The following SYNE2 variants were observed in gnomAD, a reference collection of about 807,000 sequenced individuals.
SYNE2 encodes the protein nesprin-2.
In SYNE2, 431 loss-of-function variants were observed where a neutral mutation model predicts 856.3. The ratio of observed to expected loss-of-function variants is 0.50; its 90% CI spans 0.47 to 0.55. The LOEUF (loss-of-function observed/expected upper bound fraction) is 0.55, where lower values mean the gene tolerates loss of function less well. Among genes scored for constraint, SYNE2 ranks in the 20% least tolerant of loss-of-function variants. The probability of loss-of-function intolerance (pLI) is 0.00; values close to 1 mark genes in which losing one functional copy is unlikely to be tolerated. For missense variants in SYNE2, 8,129 were observed against 8,023.2 expected (o/e 1.01, Z -0.50); for synonymous variants, 2,923 against 2,872.3 (o/e 1.02, Z -0.56).
chr14:64,190,625 A>G (rs1481119713), intron 99 of SYNE2: 1 of 702,144 alleles, frequency 1.4e-6, no homozygotes, highest in Non-Finnish European at 2.6e-6. Flanking sequence ...GTAAGGGCAC[A>G]GGCCTGGCTT....
intron 84 of SYNE2, among the ~76,000 whole-genome samples, chr14:64,146,518 T>C (rs1373514142): frequency 2.0e-5 from 3 of 152,250 alleles, no homozygotes; most frequent in Non-Finnish European, 4.4e-5. Context: ...TTAAATGCTT[T>C]CCAATTTTCC....
Position 64,225,322 on chromosome 14 carries a change from C to G in SYNE2, c.20520C>G (p.Val6840=), listed in dbSNP as rs1567707609. 8 of 1,614,032 alleles carry G rather than the reference C, an allele frequency of 5.0e-6. No homozygotes were observed. The highest frequency in any genetic ancestry group is 1.7e-5 in the Admixed American group (1 of 60,022). The change falls in exon 116 of 116, where the codon GTC becomes GTG. Residue 6840 remains valine (V), a synonymous_variant. Coordinates refer to ENST00000555002, the MANE Select transcript of SYNE2 (RefSeq NM_182914.3). ...TCTCAACCTCCTCTGTTGGCAGGGT[C>G]CCCGGCAGCACACGGCCACAGCGCT... ...TEGEEETESR[V]PGSTRPQRSF... is the part of the protein sequence containing the mutation.
At chr14:63,986,417 A>C (rs1206493146) in intron 18 of SYNE2, 39 bp from the exon 19 acceptor site, 20 of 1,610,800 alleles carry the variant, frequency 1.2e-5, no homozygotes, top group Non-Finnish European at 1.7e-5. Context: ...TGTTATGTAC[A>C]TGCTGACATT....
At chr14:63,958,924 G>A (rs1251073603) in intron 8 of SYNE2, among the ~76,000 whole-genome samples, 1 of 152,200 alleles carries the variant, frequency 6.6e-6, no homozygotes, top group Admixed American at 6.5e-5. Context: ...TCCACTAGGA[G>A]CTCTTTCAGT....
At chr14:64,119,400 G>T in intron 66 of SYNE2, 27 bp from the exon 67 acceptor site, 1 of 1,613,316 alleles carries the variant, frequency 6.2e-7, no homozygotes, top group South Asian at 1.1e-5. Flanking sequence ...ACAACATTAT[G>T]AATAATTAAA....
At chr14:63,821,200 C>G (rs932994941) in intron 1 of SYNE2, among the ~76,000 whole-genome samples, 30 of 152,170 alleles carry the variant, frequency 2.0e-4, no homozygotes, top group African/African-American at 6.3e-4. Context: ...TAAAAACTTA[C>G]TACATTTCAA....
intron 61 of SYNE2, among the ~76,000 whole-genome samples, chr14:64,094,149 G>A (rs376875332): frequency 5.3e-5 from 8 of 151,948 alleles, no homozygotes; most frequent in Admixed American, 6.6e-5. Flanking sequence ...TGGCTAACAC[G>A]GTGAAACCCT....
chr14:64,053,345 C>G lies in SYNE2; in HGVS notation c.9432C>G (p.Leu3144=). The G allele has an allele frequency of 2.5e-6, 4 of 1,613,242 alleles. No individual in the cohort carries two copies. Reference sequence around the variant, plus strand: ...TTCTCCAAAACATGGTATTAGAACTCTCACCAAAAGAATTGGATGAAAAGA... The same window carrying G: ...TTCTCCAAAACATGGTATTAGAACTGTCACCAAAAGAATTGGATGAAAAGA... ...YKVLQNMVLE[L]SPKELDEKNC... is the part of the protein sequence containing the mutation. The change falls in exon 48 of 116, where the codon CTC becomes CTG. Residue 3144 remains leucine, a synonymous_variant. Coordinates refer to ENST00000555002, the MANE Select transcript of SYNE2 (RefSeq NM_182914.3).
chr14:64,172,528 G>T (rs558420850), intron 94 of SYNE2, among the ~76,000 whole-genome samples: 2 of 152,108 alleles, frequency 1.3e-5, no homozygotes, highest in Non-Finnish European at 1.5e-5. Flanking sequence ...TTCTTATCCC[G>T]AGAACAAGCT....
At position 64,146,050 on chromosome 14, in the gene SYNE2, A is replaced by T; in HGVS notation, c.15484-18A>T. On this transcript the variant is annotated intron_variant, in intron 83 of 115. Coordinates refer to ENST00000555002, the MANE Select transcript of SYNE2 (RefSeq NM_182914.3). ...AACATACATTTTAACATTTTTTGTA[A>T]TCTTTACATTCACTTAGATACAACA... 1 of 1,505,534 alleles carries T rather than the reference A, an allele frequency of 6.6e-7. No individual in the cohort carries two copies. The highest frequency in any genetic ancestry group is 1.3e-5 in the South Asian group (1 of 77,882). The allele number at this position is 1,505,534 out of a possible 1,614,324, so 93.3% of individuals were successfully genotyped here.
chr14:64,002,496 A>G (rs1185975020), intron 29 of SYNE2, among the ~76,000 whole-genome samples: 1 of 152,240 alleles, frequency 6.6e-6, no homozygotes, highest in Non-Finnish European at 1.5e-5. Context: ...TGTACTTTGA[A>G]GCAATAGATT....
intron 1 of SYNE2, among the ~76,000 whole-genome samples, chr14:63,778,392 G>A (rs1372627171): frequency 1.3e-5 from 2 of 152,118 alleles, no homozygotes; most frequent in African/African-American, 2.4e-5. Flanking sequence ...TGTGAAAATG[G>A]ATGAATACAT....
Position 64,051,891 on chromosome 14 carries a change from G to T in SYNE2, c.7978G>T (p.Ala2660Ser), listed in dbSNP as rs912941506. The T allele has an allele frequency of 1.2e-6, 2 of 1,613,946 alleles. No homozygotes were observed. The highest frequency in any genetic ancestry group is 1.6e-4 in the Middle Eastern group (1 of 6,062). Reference sequence around the variant, plus strand: ...AAGGCTGAAGTCTCCAGAAGAACGGGCAGGGAACCAAAGCATGATTGCCTT... The same window carrying T: ...AAGGCTGAAGTCTCCAGAAGAACGGTCAGGGAACCAAAGCATGATTGCCTT... ...QLRLKSPEER[A>S]GNQSMIALTT... Residue 2660 changes from alanine (A) to serine (S), a missense_variant, in exon 48 of 116, where the codon GCA becomes TCA. Around this residue, in one of 3 missense-constraint regions of SYNE2, gnomAD observed 5,410 missense variants for 5,284.8 expected, o/e 1.02. Coordinates refer to ENST00000555002, the MANE Select transcript of SYNE2 (RefSeq NM_182914.3).
intron 1 of SYNE2, among the ~76,000 whole-genome samples, chr14:63,896,911 C>A (rs780319053): frequency 2.0e-5 from 3 of 152,138 alleles, no homozygotes; most frequent in Non-Finnish European, 4.4e-5. Flanking sequence ...CCTGCCTTAG[C>A]ATGTTTTTGT....
At chr14:64,010,707 G>A (rs947425630) in intron 32 of SYNE2, among the ~76,000 whole-genome samples, 2 of 152,154 alleles carry the variant, frequency 1.3e-5, no homozygotes, top group Non-Finnish European at 2.9e-5. Flanking sequence ...CTCTACACCA[G>A]AAAGTTTCTT....
chr14:64,054,423 A>G (rs759668298), intron 48 of SYNE2, among the ~76,000 whole-genome samples: 3 of 152,226 alleles, frequency 2.0e-5, no homozygotes, highest in Non-Finnish European at 4.4e-5. Flanking sequence ...GATGAGTGCT[A>G]TTATTAGCCC....
intron 85 of SYNE2, among the ~76,000 whole-genome samples, chr14:64,154,396 A>T (rs1015645569): frequency 6.0e-5 from 8 of 132,444 alleles, no homozygotes; most frequent in Admixed American, 3.1e-4. Flanking sequence ...ACAAATTGTT[A>T]AAAAAAGTAT....
rs143377752 is a variant in SYNE2, at chr14:64,170,265, C to T, written c.17038C>T (p.Arg5680Trp). The T allele has an allele frequency of 6.1e-5, 99 of 1,613,958 alleles. 1 individual carries two copies. The highest frequency in any genetic ancestry group is 5.7e-4 in the African/African-American group (43 of 74,914). The part of the protein sequence containing the change: ...FITEFSKLTD[R>W]WQNAVQGVRQ... Reference sequence around the variant, plus strand: ...TACAGAATTCTCAAAGCTGACGGATCGGTGGCAGAATGCTGTCCAGGGTGT... The same window carrying T: ...TACAGAATTCTCAAAGCTGACGGATTGGTGGCAGAATGCTGTCCAGGGTGT... Residue 5680 changes from arginine (R) to tryptophan (W), a missense_variant, in exon 94 of 116, where the codon CGG (arginine) becomes TGG (tryptophan). By Grantham distance (101) the Arg-to-Trp change is moderately radical. Around this residue, in one of 3 missense-constraint regions of SYNE2, gnomAD observed 5,410 missense variants for 5,284.8 expected, o/e 1.02. Transcript: ENST00000555002.
chr14:64,215,194 C>T, intron 106 of SYNE2, 92 bp from the exon 107 acceptor site: 1 of 1,205,408 alleles, frequency 8.3e-7, no homozygotes, highest in South Asian at 1.2e-5. Flanking sequence ...TAGTTTTCTC[C>T]TTCCAGCTGA....
Sources: allele counts gnomAD v4.1 joint callset (sites outside exome capture counted in the v4.1 genomes callset), GRCh38; gene constraint gnomAD v4.1.1; regional missense constraint gnomAD v4.1.1; transcripts MANE v1.5; gene names NCBI Gene and HGNC (gene_info 2026-07-23, HGNC 2026-07-21).